Variants in NXN observed in about 807,000 individuals in gnomAD.
The protein encoded by NXN is nucleoredoxin, also known as nucleoredoxin 1.
A neutral mutation model predicts 48.6 loss-of-function variants in NXN; 16 were observed. That is an observed-to-expected ratio of 0.33 (90% CI 0.22 to 0.50). The LOEUF is 0.50. Ranked by LOEUF, NXN falls within the 20% of genes least tolerant of loss-of-function variation. The pLI is 0.98. For synonymous variants in NXN, 281 were observed against 269.6 expected (o/e 1.04, Z -0.41); for missense variants, 492 against 605.5 (o/e 0.81, Z 1.97).
chr17:857,685 C>T (rs2068000301), intron 1 of NXN, among the ~76,000 whole-genome samples: 1 of 152,176 alleles, frequency 6.6e-6, no homozygotes, highest in Admixed American at 6.6e-5. Flanking sequence ...CTCTCTTTCT[C>T]AATGGTCACC....
chr17:877,295 C>T (rs924009543), intron 1 of NXN, among the ~76,000 whole-genome samples: 2 of 151,738 alleles, frequency 1.3e-5, no homozygotes, highest in East Asian at 2.0e-4. Context: ...TACTGGCGCC[C>T]GCCACCAAGC....
rs191993740 is a variant in NXN at position 920,485 on chromosome 17, C to A, written c.360+58834G>T. ...AGCGTTCTCCTCCCAGGGTTCCGCTCCCTCCCCAAGTGACCAGCCCTCACC... is the reference window on the plus strand; with the variant it reads ...AGCGTTCTCCTCCCAGGGTTCCGCTACCTCCCCAAGTGACCAGCCCTCACC... On this transcript the variant is annotated intron_variant, in intron 1 of 7. Transcript: ENST00000336868. The surrounding 1 kb of genome is among the most constrained non-coding windows in gnomAD (Gnocchi z 4.6). 5.1e-4 allele frequency among the ~76,000 whole-genome samples: 77 copies of A among 152,142 alleles called. No individual in the cohort carries two copies. The highest frequency in any genetic ancestry group is 1.6e-3 in the African/African-American group (68 of 41,506).
At chr17:965,199 C>T (rs1321401145) in intron 1 of NXN, among the ~76,000 whole-genome samples, 2 of 152,148 alleles carry the variant, frequency 1.3e-5, no homozygotes, top group Non-Finnish European at 2.9e-5. Flanking sequence ...AGAGGGAGAA[C>T]GTGGGCCTTA....
rs931609808 is a variant in NXN at position 849,038 on chromosome 17, C to T, written c.361-22960G>A. On this transcript the variant is annotated intron_variant, in intron 1 of 7. Coordinates refer to ENST00000336868, the MANE Select transcript of NXN (RefSeq NM_022463.5). This position sits in a 1 kb window ranked among gnomAD's most constrained non-coding sequence, Gnocchi z 4.2. Reference sequence around the variant, plus strand: ...AGATCAAGACAAAGGTCTTCGCCTTCGAGAAAGGAAGGGAGCCTGTCTGGT... The same window carrying T: ...AGATCAAGACAAAGGTCTTCGCCTTTGAGAAAGGAAGGGAGCCTGTCTGGT... Among the ~76,000 whole-genome samples the T allele has an allele frequency of 2.0e-5, 3 of 152,166 alleles. No homozygotes were observed. The highest frequency in any genetic ancestry group is 4.4e-5 in the Non-Finnish European group (3 of 68,038).
rs573856903 is a variant in NXN at position 872,771 on chromosome 17, C to G, written c.361-46693G>C. ...AAGTAGCTGGGATTACAGGCGCCTGCCACCACGTCCAGCTAATTTTTGTAT... is the reference window on the plus strand; with the variant it reads ...AAGTAGCTGGGATTACAGGCGCCTGGCACCACGTCCAGCTAATTTTTGTAT... On this transcript the variant is annotated intron_variant, in intron 1 of 7. Coordinates refer to ENST00000336868, the MANE Select transcript of NXN (RefSeq NM_022463.5). 3.5e-3 allele frequency among the ~76,000 whole-genome samples: 526 copies of G among 152,180 alleles called. 2 individuals carry two copies. Among genetic ancestry groups the G allele is most frequent in the African/African-American group, 0.011 (468 of 41,516 alleles).
chr17:945,544 T>C (rs1236749843), intron 1 of NXN, among the ~76,000 whole-genome samples: 4 of 145,296 alleles, frequency 2.8e-5, no homozygotes, highest in Non-Finnish European at 4.5e-5. Context: ...GGCAGGAGAA[T>C]GGCGTGAACC....
chr17:801,613 T>C (rs1280492827), intron 7 of NXN, among the ~76,000 whole-genome samples: 1 of 152,024 alleles, frequency 6.6e-6, no homozygotes, highest in Non-Finnish European at 1.5e-5. Flanking sequence ...CGGCTAATTT[T>C]TTACATTTTT....
At chr17:838,608 T>C (rs138119519) in intron 1 of NXN, among the ~76,000 whole-genome samples, 178 of 152,216 alleles carry the variant, frequency 1.2e-3, no homozygotes, top group Admixed American at 1.8e-3. Flanking sequence ...ACGGTGAAAA[T>C]GGTAAACTTT....
intron 1 of NXN, among the ~76,000 whole-genome samples, chr17:891,418 A>T (rs2068415599): frequency 6.6e-6 from 1 of 152,208 alleles, no homozygotes; most frequent in Admixed American, 6.6e-5. Context: ...CATCCCATTC[A>T]AACACATTTA....
intron 1 of NXN, among the ~76,000 whole-genome samples, chr17:829,311 T>G (rs534856236): frequency 2.6e-5 from 4 of 151,766 alleles, no homozygotes; most frequent in African/African-American, 9.7e-5. Context: ...ATGCACCACC[T>G]TGCCGGCTAA....
rs964976941 is a variant in NXN at position 842,672 on chromosome 17, T to C, written c.361-16594A>G. On this transcript the variant is annotated intron_variant, in intron 1 of 7. Transcript: ENST00000336868. ...CACCTTCAGGGCAGGGTGCAGTGGC[T>C]CATGCCTGTAATCCCAGCACTTTGG... 12 of 531,868 alleles carry C rather than the reference T, an allele frequency of 2.3e-5. No homozygotes were observed. The African/African-American group carries it at 2.5e-4, about 11-fold the overall frequency. 32.9% of individuals were successfully genotyped at this position (531,868 alleles called of 1,614,324 possible). A position where few individuals can be genotyped will look rare whatever the true frequency, so the allele number is the denominator to read the frequency against.
intron 1 of NXN, among the ~76,000 whole-genome samples, chr17:895,597 G>C (rs1009622779): frequency 1.3e-5 from 2 of 150,558 alleles, no homozygotes; most frequent in African/African-American, 2.4e-5. Context: ...CGGATCACAG[G>C]GTCAGGAGAT....
intron 1 of NXN, among the ~76,000 whole-genome samples, chr17:975,442 A>G (rs1650399554): frequency 6.6e-6 from 1 of 152,204 alleles, no homozygotes; most frequent in Admixed American, 6.5e-5. Flanking sequence ...AAAGGGATTC[A>G]AGTAAATTCT....
At chr17:855,476 CA>C (rs2067975404) in intron 1 of NXN, among the ~76,000 whole-genome samples, 1 of 152,168 alleles carries the variant, frequency 6.6e-6, no homozygotes, top group Non-Finnish European at 1.5e-5. Flanking sequence ...TCCCCAGGAT[CA>C]AAATGTGGGT....
chr17:859,607 G>A (rs900835051), intron 1 of NXN, among the ~76,000 whole-genome samples: 3 of 152,134 alleles, frequency 2.0e-5, no homozygotes, highest in East Asian at 1.9e-4. Context: ...ACAGCTGCAC[G>A]GACGGGCCTG....
At chr17:809,318 C>G (rs1398222976) in intron 5 of NXN, among the ~76,000 whole-genome samples, 1 of 152,200 alleles carries the variant, frequency 6.6e-6, no homozygotes, top group African/African-American at 2.4e-5. Flanking sequence ...TTCACCGTCT[C>G]CCTCAAAACA....
At chr17:885,633 A>C (rs1462394020) in intron 1 of NXN, among the ~76,000 whole-genome samples, 3 of 147,578 alleles carry the variant, frequency 2.0e-5, no homozygotes, top group Non-Finnish European at 3.0e-5. Context: ...CCCCTCTCTG[A>C]AGAGAGGCGC....
chr17:904,215 G>A (rs1177089956), intron 1 of NXN, among the ~76,000 whole-genome samples: 1 of 152,214 alleles, frequency 6.6e-6, no homozygotes, highest in Non-Finnish European at 1.5e-5. Context: ...GGAAGGGCTG[G>A]CCGAGCGGAC....
intron 1 of NXN, among the ~76,000 whole-genome samples, chr17:885,438 C>T (rs1226356787): frequency 1.3e-5 from 2 of 151,224 alleles, no homozygotes; most frequent in Non-Finnish European, 2.9e-5. Flanking sequence ...GATCGCACCA[C>T]TACACTCCAG....
Sources: allele counts gnomAD v4.1 joint callset (sites outside exome capture counted in the v4.1 genomes callset), GRCh38; gene constraint gnomAD v4.1.1; non-coding constraint Gnocchi (gnomAD v3.1); transcripts MANE v1.5; gene names NCBI Gene and HGNC (gene_info 2026-07-23, HGNC 2026-07-21).